ZNF469: variants seen among roughly 807,000 people sequenced by gnomAD.
The protein encoded by ZNF469 is zinc finger protein 469.
ZNF469 carries 1 observed loss-of-function variant against 1.0 expected under a neutral mutation model. The ratio of observed to expected loss-of-function variants is 1.00; its 90% confidence interval spans 0.35 to 4.73. ZNF469 has a LOEUF of 4.73. Among genes scored for constraint, ZNF469 ranks in the 30% most tolerant of loss-of-function variants. ZNF469 has a pLI of 0.16. For missense variants in ZNF469, 6,100 were observed against 5,356.3 expected, an observed-to-expected ratio of 1.14 and a Z score of -4.33; for synonymous variants, 2,703 against 2,363.4, an observed-to-expected ratio of 1.14 and a Z score of -4.17.
the ZNF469 span, among the ~76,000 whole-genome samples, chr16:88,285,604 G>T: frequency 6.6e-6 from 1 of 152,254 alleles, no homozygotes; most frequent in South Asian, 2.1e-4. Flanking sequence ...GCACCCTCTT[G>T]CCCACAGCTG....
the ZNF469 span, among the ~76,000 whole-genome samples, chr16:88,257,092 G>T: frequency 1.4e-5 from 2 of 146,766 alleles, no homozygotes; most frequent in Non-Finnish European, 3.0e-5. Context: ...GGGATTACAG[G>T]CATGCACCAC....
At position 88,432,912 on chromosome 16, in the gene ZNF469, T is replaced by A; in HGVS notation, c.5442T>A (p.Ala1814=). 6.5e-7 allele frequency: 1 copy of A among 1,550,322 alleles called. No homozygotes were observed. The highest frequency in any genetic ancestry group is 8.7e-7 in the Non-Finnish European group (1 of 1,146,962). Residue 1814 remains alanine, a synonymous_variant, in exon 3 of 3, where the codon GCT becomes GCA. Transcript: ENST00000565624. ...APDLAFQGDG[A]PPLDATWPFG... ...ACTTGGCATTTCAGGGTGACGGGGC[T>A]CCACCTCTGGATGCCACCTGGCCTT...
chr16:88,231,103 G>A, the ZNF469 span, among the ~76,000 whole-genome samples: 4 of 152,188 alleles, frequency 2.6e-5, no homozygotes, highest in East Asian at 1.9e-4. This position sits in a 1 kb window ranked among gnomAD's most constrained non-coding sequence, Gnocchi z 4.5. Flanking sequence ...CTGGAGAGAC[G>A]GTGGCTCCTG....
intron 1 of ZNF469, among the ~76,000 whole-genome samples, chr16:88,422,971 TAATGGATGGATG>T (rs1347825007): frequency 7.7e-6 from 1 of 129,130 alleles, no homozygotes; most frequent in Non-Finnish European, 1.6e-5. Context: ...ATGGATGGAT[TAATGGATGGATG>T]GATGGATGGA....
the ZNF469 span, among the ~76,000 whole-genome samples, chr16:88,170,398 T>C: frequency 5.3e-5 from 8 of 152,220 alleles, no homozygotes; most frequent in Admixed American, 3.9e-4. This position sits in a 1 kb window ranked among gnomAD's most constrained non-coding sequence, Gnocchi z 4.2. Flanking sequence ...ATATTCACTG[T>C]ACAACTGAAA....
the ZNF469 span, among the ~76,000 whole-genome samples, chr16:88,209,189 C>A: frequency 6.6e-6 from 1 of 152,198 alleles, no homozygotes; most frequent in South Asian, 2.1e-4. Context: ...AGAAATGTCG[C>A]TCCCTAGTCC....
chr16:88,432,958 G>A lies in ZNF469; in HGVS notation c.5488G>A (p.Ala1830Thr), dbSNP rs778548266. The A allele has an allele frequency of 2.6e-6, 4 of 1,550,280 alleles. No homozygotes were observed. The African/African-American group carries it at 4.1e-5, about 16-fold the overall frequency. Reference protein sequence around the residue: ...TWPFGASPSHAAQGHSAGRAG... With the variant: ...TWPFGASPSHTAQGHSAGRAG... ...GCCTTTTGGTGCCAGTCCCAGCCAT[G>A]CTGCCCAGGGACATTCTGCAGGCAG... is the stretch of plus-strand genomic sequence containing the variant. Residue 1830 changes from alanine to threonine, a missense_variant, in exon 3 of 3, where the codon GCT (alanine) becomes ACT (threonine). Ala to Thr is a moderately conservative substitution (Grantham distance 58). Coordinates refer to ENST00000565624, the MANE Select transcript of ZNF469 (RefSeq NM_001367624.2).
the ZNF469 span, among the ~76,000 whole-genome samples, chr16:88,128,845 G>A: frequency 0.038 from 5,723 of 152,320 alleles, 359 homozygotes; most frequent in African/African-American, 0.13. Context: ...GATCTGACAG[G>A]CAGGCAGGTG....
the ZNF469 span, among the ~76,000 whole-genome samples, chr16:88,354,254 G>T: frequency 6.6e-6 from 1 of 152,210 alleles, no homozygotes; most frequent in Non-Finnish European, 1.5e-5. Context: ...TCCCCAGGGG[G>T]ACCAGGGAGA....
the ZNF469 span, among the ~76,000 whole-genome samples, chr16:88,230,771 G>C: frequency 2.0e-5 from 3 of 152,174 alleles, no homozygotes; most frequent in African/African-American, 7.2e-5. Context: ...CAAGGAGTGG[G>C]CATCTGTCCC....
chr16:88,181,877 C>G, the ZNF469 span, among the ~76,000 whole-genome samples: 1 of 152,206 alleles, frequency 6.6e-6, no homozygotes, highest in Non-Finnish European at 1.5e-5. Context: ...GCTAGAGGTT[C>G]TGGCCACTGA....
At chr16:88,371,746 C>A in the ZNF469 span, among the ~76,000 whole-genome samples, 2 of 151,996 alleles carry the variant, frequency 1.3e-5, no homozygotes, top group Non-Finnish European at 2.9e-5. Context: ...TTCTCAGTGA[C>A]ATCAACACAT....
the ZNF469 span, among the ~76,000 whole-genome samples, chr16:88,192,691 ATGG>A: frequency 6.8e-6 from 1 of 147,950 alleles, no homozygotes; most frequent in Admixed American, 6.7e-5. Flanking sequence ...GATGGTGATG[ATGG>A]TGGTGATAAA....
At chr16:88,281,112 CA>C in the ZNF469 span, among the ~76,000 whole-genome samples, 2 of 143,658 alleles carry the variant, frequency 1.4e-5, no homozygotes, top group African/African-American at 5.2e-5. Context: ...AGTACCGTGT[CA>C]ATTTTGGTGC....
chr16:88,397,352 C>T (rs1280081489), intron 1 of ZNF469, among the ~76,000 whole-genome samples: 3 of 152,208 alleles, frequency 2.0e-5, no homozygotes, highest in Non-Finnish European at 4.4e-5. Flanking sequence ...CCACTCGGGG[C>T]TTGTGGCCTG....
the ZNF469 span, among the ~76,000 whole-genome samples, chr16:88,204,780 C>T: frequency 2.6e-5 from 4 of 152,124 alleles, no homozygotes; most frequent in African/African-American, 9.7e-5. Context: ...TGGAGTGGGG[C>T]GTTCACTGGA....
the ZNF469 span, among the ~76,000 whole-genome samples, chr16:88,284,108 T>G: frequency 7.7e-6 from 1 of 129,782 alleles, no homozygotes; most frequent in Non-Finnish European, 1.6e-5. Flanking sequence ...ACCCCGAGTG[T>G]GCCTGAGGTC....
chr16:88,231,177 A>G, the ZNF469 span, among the ~76,000 whole-genome samples: 4 of 152,142 alleles, frequency 2.6e-5, no homozygotes, highest in Admixed American at 6.5e-5. The surrounding 1 kb of genome is among the most constrained non-coding windows in gnomAD (Gnocchi z 4.5). Context: ...GGGGACTTCC[A>G]GGATAGCAGG....
chr16:88,141,585 G>A, the ZNF469 span, among the ~76,000 whole-genome samples: 409 of 90,138 alleles, frequency 4.5e-3, 33 homozygotes, highest in Non-Finnish European at 7.3e-3. Flanking sequence ...CCTGGTCCCC[G>A]GAGCCTGCTG....
Sources: gnomAD v4.1 joint callset for allele counts (sites outside exome capture counted in the v4.1 genomes callset) on GRCh38, gnomAD v4.1.1 for gene constraint, Gnocchi (gnomAD v3.1) non-coding constraint, MANE v1.5 for transcripts, NCBI Gene and HGNC (gene_info 2026-07-23, HGNC 2026-07-21) for gene names.